The following MTUS1 variants were observed in gnomAD, a reference collection of about 807,000 sequenced individuals.
MTUS1 encodes microtubule-associated tumor suppressor 1.
MTUS1 carries 109 observed loss-of-function variants against 120.8 expected under a neutral mutation model. That is an observed-to-expected ratio of 0.90 (90% CI 0.77 to 1.06). MTUS1 has a LOEUF of 1.06. MTUS1 is among the 50% of genes least tolerant of loss of function. The pLI is 0.00. For missense variants in MTUS1, 2,210 were observed against 1,486.3 expected (o/e 1.49, Z -8.01); for synonymous variants, 737 against 550.5 (o/e 1.34, Z -4.74).
At chr8:17,714,421 T>G (rs1333463133) in intron 5 of MTUS1, among the ~76,000 whole-genome samples, 1 of 152,176 alleles carries the variant, frequency 6.6e-6, no homozygotes, top group South Asian at 2.1e-4. Flanking sequence ...AAGAGTTTCA[T>G]GCAGGTTAAC....
intron 1 of MTUS1, among the ~76,000 whole-genome samples, chr8:17,775,027 AC>A (rs1399760370): frequency 0.01 from 1,559 of 150,068 alleles, 27 homozygotes; most frequent in African/African-American, 0.036. Context: ...GATTCCACTT[AC>A]ATAAAGCACC....
chr8:17,774,301 A>T (rs1447220524), intron 1 of MTUS1, among the ~76,000 whole-genome samples: 1 of 152,192 alleles, frequency 6.6e-6, no homozygotes, highest in Non-Finnish European at 1.5e-5. Flanking sequence ...GCTGAACACC[A>T]GTTAGGACTT....
intron 1 of MTUS1, among the ~76,000 whole-genome samples, chr8:17,795,145 A>G (rs1183468462): frequency 6.6e-6 from 1 of 152,224 alleles, no homozygotes; most frequent in African/African-American, 2.4e-5. Flanking sequence ...ATGTACAAAA[A>G]GCATAAAAGA....
At chr8:17,795,092 A>G (rs992154248) in intron 1 of MTUS1, among the ~76,000 whole-genome samples, 7 of 152,256 alleles carry the variant, frequency 4.6e-5, no homozygotes, top group African/African-American at 7.2e-5. Context: ...CCAGATTGGT[A>G]TATGTGTAAA....
intron 3 of MTUS1, among the ~76,000 whole-genome samples, chr8:17,740,920 C>G (rs1166194745): frequency 1.3e-5 from 2 of 152,150 alleles, no homozygotes; most frequent in African/African-American, 4.8e-5. Flanking sequence ...GGCTGGGGTG[C>G]AATGGTGCTA....
At chr8:17,697,224 G>A (rs564110403) in intron 6 of MTUS1, 4 of 1,569,468 alleles carry the variant, frequency 2.5e-6, no homozygotes, top group Admixed American at 1.8e-5. Flanking sequence ...CATCCCCCGT[G>A]CAACACTAAA....
intron 8 of MTUS1, among the ~76,000 whole-genome samples, chr8:17,661,703 G>A (rs1809742005): frequency 1.3e-5 from 2 of 152,064 alleles, no homozygotes; most frequent in Non-Finnish European, 2.9e-5. Flanking sequence ...GGACACATGG[G>A]AAGAAACGGG....
chr8:17,760,465 A>G (rs937721090), intron 1 of MTUS1, among the ~76,000 whole-genome samples: 1 of 152,158 alleles, frequency 6.6e-6, no homozygotes, highest in Non-Finnish European at 1.5e-5. Flanking sequence ...TGAAAAGAAA[A>G]CAATGGCTTT....
intron 8 of MTUS1, among the ~76,000 whole-genome samples, chr8:17,666,142 T>C (rs542908685): frequency 1.7e-4 from 24 of 138,062 alleles, no homozygotes; most frequent in African/African-American, 6.0e-4. Context: ...ACTCCGTGTA[T>C]AAACGAACAC....
At chr8:17,662,618 T>G (rs184972998) in intron 8 of MTUS1, among the ~76,000 whole-genome samples, 6 of 152,142 alleles carry the variant, frequency 3.9e-5, no homozygotes, top group Admixed American at 3.9e-4. Context: ...CATCCCAAAG[T>G]GCTGGAATTA....
Position 17,754,915 on chromosome 8 carries a change from C to T in MTUS1, c.893G>A (p.Gly298Asp). 6.2e-7 allele frequency: 1 copy of T among 1,614,198 alleles called. No homozygotes were observed. Among genetic ancestry groups the T allele is most frequent in the Non-Finnish European group, 8.5e-7 (1 of 1,180,040 alleles). Residue 298 changes from glycine (G) to aspartate (D), a missense_variant, in exon 2 of 15, where the codon GGC becomes GAC. Physicochemically the swap from Gly to Asp is moderately conservative, Grantham distance 94 (BLOSUM62 -1). Transcript: ENST00000693296. ...ETQALTPVSD[G>D]MEVPNDSALQ... ...TGCAGAATCATTGGGGACTTCCATGCCATCAGAAACTGGTGTTAGTGCTTG... is the reference window on the plus strand; with the variant it reads ...TGCAGAATCATTGGGGACTTCCATGTCATCAGAAACTGGTGTTAGTGCTTG...
chr8:17,790,118 G>A (rs956788482), intron 1 of MTUS1, among the ~76,000 whole-genome samples: 1 of 152,134 alleles, frequency 6.6e-6, no homozygotes, highest in Admixed American at 6.5e-5. Context: ...GGAGGTTGAG[G>A]CAGGTGGATC....
intron 1 of MTUS1, among the ~76,000 whole-genome samples, chr8:17,760,767 G>A (rs534205114): frequency 1.4e-5 from 2 of 138,156 alleles, no homozygotes; most frequent in Non-Finnish European, 3.1e-5. Flanking sequence ...ACAAGATGCA[G>A]AAAGTTAAAA....
At chr8:17,675,640 G>A (rs1180528480) in intron 7 of MTUS1, among the ~76,000 whole-genome samples, 1 of 152,120 alleles carries the variant, frequency 6.6e-6, no homozygotes, top group Admixed American at 6.6e-5. Context: ...AATATTTAAT[G>A]TTCTAAACAT....
intron 6 of MTUS1, among the ~76,000 whole-genome samples, chr8:17,694,561 G>A (rs79646671): frequency 0.2 from 30,759 of 151,828 alleles, 3,489 homozygotes; most frequent in South Asian, 0.41. Context: ...CCAGCTACTC[G>A]GGAGGCTGAG....
intron 8 of MTUS1, among the ~76,000 whole-genome samples, chr8:17,657,058 CAAAAAAAAAAA>C (rs1219286349): frequency 0.013 from 761 of 56,744 alleles, 16 homozygotes; most frequent in African/African-American, 0.041. Context: ...GATTCTGTCT[CAAAAAAAAAAA>C]AAAAAAAAAA....
At chr8:17,714,938 C>T (rs1391644445) in intron 5 of MTUS1, among the ~76,000 whole-genome samples, 1 of 115,172 alleles carries the variant, frequency 8.7e-6, no homozygotes, top group Non-Finnish European at 1.7e-5. Context: ...CAGAGTCTCA[C>T]TCTGTCACCC....
chr8:17,665,120 G>A (rs1810620390), intron 8 of MTUS1, among the ~76,000 whole-genome samples: 1 of 152,296 alleles, frequency 6.6e-6, no homozygotes, highest in Admixed American at 6.5e-5. Context: ...CTCACATAGT[G>A]CCAGGGTTTG....
rs562057281 is a variant in MTUS1, at chr8:17,646,009, T to C, written c.3730A>G (p.Arg1244Gly). The change falls in exon 15 of 15, where the codon AGA becomes GGA. Residue 1244 changes from arginine (R) to glycine (G), a missense_variant. Arg to Gly is a moderately radical substitution (Grantham distance 125). Coordinates refer to ENST00000693296, the MANE Select transcript of MTUS1 (RefSeq NM_001363059.2). ...LHNGDLCSPK[R>G]SPTSSAIPLQ... ...GGGATGGCGGAGGATGTGGGGGATCTCTTGGGGCTACACAGGTCCCCATTG... is the reference window on the plus strand; with the variant it reads ...GGGATGGCGGAGGATGTGGGGGATCCCTTGGGGCTACACAGGTCCCCATTG... The C allele has an allele frequency of 1.9e-6, 3 of 1,613,734 alleles. No individual in the cohort carries two copies. The highest frequency in any genetic ancestry group is 1.3e-5 in the African/African-American group (1 of 75,014).
Sources: gnomAD v4.1 joint callset for allele counts (sites outside exome capture counted in the v4.1 genomes callset) on GRCh38, gnomAD v4.1.1 for gene constraint, MANE v1.5 for transcripts, NCBI Gene and HGNC (gene_info 2026-07-23, HGNC 2026-07-21) for gene names.